The following SLC37A1 variants were observed in gnomAD, a reference collection of about 807,000 sequenced individuals.
SLC37A1 encodes glucose-6-phosphate exchanger SLC37A1.
A neutral mutation model predicts 75.3 loss-of-function variants in SLC37A1; 49 were observed. That is an observed-to-expected ratio of 0.65 (90% CI 0.52 to 0.83). SLC37A1 has a LOEUF of 0.83. Among genes scored for constraint, SLC37A1 ranks in the 40% least tolerant of loss-of-function variants. The pLI, the probability that SLC37A1 is intolerant of heterozygous loss-of-function variation, is 0.00. For synonymous variants in SLC37A1, 268 were observed against 292.1 expected, an observed-to-expected ratio of 0.92 and a Z score of 0.84; for missense variants, 566 against 695.0, an observed-to-expected ratio of 0.81 and a Z score of 2.09.
intron 9 of SLC37A1, among the ~76,000 whole-genome samples, chr21:42,551,582 GGTACA>G (rs1330173636): frequency 4.6e-5 from 7 of 152,260 alleles, no homozygotes; most frequent in African/African-American, 1.7e-4. Flanking sequence ...ATGAGTGAAT[GGTACA>G]GTATGTGAAT....
Position 42,548,307 on chromosome 21 carries a change from G to A in SLC37A1, c.768+1167G>A, listed in dbSNP as rs899203650. ...TCTCACCACCACTCAACCTTCCCAC[G>A]GAGATGTCTGAGTGTCCTTCAGACT... On this transcript the variant is annotated intron_variant, in intron 9 of 19. Coordinates refer to ENST00000352133, the MANE Select transcript of SLC37A1 (RefSeq NM_001320537.2). The surrounding 1 kb of genome is among the most constrained non-coding windows in gnomAD (Gnocchi z 5.6). 6.6e-5 allele frequency among the ~76,000 whole-genome samples: 10 copies of A among 152,062 alleles called. No individual in the cohort carries two copies. The highest frequency in any genetic ancestry group is 2.1e-4 in the South Asian group (1 of 4,814).
chr21:42,527,650 G>A (rs995483498), intron 3 of SLC37A1, among the ~76,000 whole-genome samples: 1 of 152,144 alleles, frequency 6.6e-6, no homozygotes, highest in African/African-American at 2.4e-5. Context: ...CCACACACTC[G>A]AGAATTCCCT....
At chr21:42,556,462 G>A (rs936680749) in intron 10 of SLC37A1, among the ~76,000 whole-genome samples, 9 of 152,236 alleles carry the variant, frequency 5.9e-5, no homozygotes, top group African/African-American at 1.9e-4. Flanking sequence ...ATCGGGTAGC[G>A]GGGTGAGCTT....
intron 17 of SLC37A1, among the ~76,000 whole-genome samples, chr21:42,571,884 C>A (rs972164371): frequency 6.6e-6 from 1 of 152,216 alleles, no homozygotes; most frequent in Non-Finnish European, 1.5e-5. Flanking sequence ...TGCCCCACCC[C>A]TTTCACGCCA....
chr21:42,514,797 C>G lies in SLC37A1; in HGVS notation c.-179+80C>G, dbSNP rs993651514. 3 of 152,572 alleles carry G rather than the reference C, an allele frequency of 2.0e-5. No individual in the cohort carries two copies. The highest frequency in any genetic ancestry group is 4.4e-5 in the Non-Finnish European group (3 of 68,336). The allele number at this position is 152,572 out of a possible 1,614,324, so 9.5% of individuals were successfully genotyped here. A position where few individuals can be genotyped will look rare whatever the true frequency, so the allele number is the denominator to read the frequency against. ...ACCACCCCCACTCCCCGCTAACACCCCAGCCCGCGGCCCCAGGTTTGAATT... is the reference window on the plus strand; with the variant it reads ...ACCACCCCCACTCCCCGCTAACACCGCAGCCCGCGGCCCCAGGTTTGAATT... On this transcript the variant is annotated intron_variant, in intron 1 of 19. Coordinates refer to ENST00000352133, the MANE Select transcript of SLC37A1 (RefSeq NM_001320537.2). This position sits in a 1 kb window ranked among gnomAD's most constrained non-coding sequence, Gnocchi z 4.8.
chr21:42,533,340 G>A (rs1277734389), intron 3 of SLC37A1, among the ~76,000 whole-genome samples: 3 of 152,122 alleles, frequency 2.0e-5, no homozygotes, highest in African/African-American at 7.2e-5. Flanking sequence ...CGCTTGATGG[G>A]GCAACTCCTT....
At chr21:42,531,078 C>G (rs554198773) in intron 3 of SLC37A1, among the ~76,000 whole-genome samples, 1 of 152,180 alleles carries the variant, frequency 6.6e-6, no homozygotes, top group African/African-American at 2.4e-5. Flanking sequence ...TGCTGCTCCC[C>G]GGACGGGATT....
At position 42,514,016 on chromosome 21, in the gene SLC37A1, C is replaced by G. The variant is rs2054473747; in HGVS notation, c.-880C>G. The stretch of plus-strand genomic sequence containing the variant: ...GGCAGCCGGCGCTCAGGCGCCGCAG[C>G]CGCTCAGCACCTGCGGCGCCCTCAG... On this transcript the variant is annotated 5_prime_UTR_variant, in exon 1 of 20. Coordinates refer to ENST00000352133, the MANE Select transcript of SLC37A1 (RefSeq NM_001320537.2). The surrounding 1 kb of genome is among the most constrained non-coding windows in gnomAD (Gnocchi z 4.8). 1 of 148,468 alleles carries G rather than the reference C, an allele frequency of 6.7e-6. No individual in the cohort carries two copies. Among genetic ancestry groups the G allele is most frequent in the African/African-American group, 2.5e-5 (1 of 40,784 alleles). The allele number at this position is 148,468 out of a possible 1,614,324, so 9.2% of individuals were successfully genotyped here.
rs1392223053 is a variant in SLC37A1 at position 42,552,189 on chromosome 21, C to A, written c.769-1873C>A. ...TTGTTCTTTTGATTTGTATTTGATT[C>A]CTAGGTTACTTAGGTTTAGGATATC... On this transcript the variant is annotated intron_variant, in intron 9 of 19. Coordinates refer to ENST00000352133, the MANE Select transcript of SLC37A1 (RefSeq NM_001320537.2). This position sits in a 1 kb window ranked among gnomAD's most constrained non-coding sequence, Gnocchi z 4.2. 6.6e-6 allele frequency among the ~76,000 whole-genome samples: 1 copy of A among 152,104 alleles called. No homozygotes were observed. Among genetic ancestry groups the A allele is most frequent in the African/African-American group, 2.4e-5 (1 of 41,420 alleles).
chr21:42,534,610 G>T, intron 3 of SLC37A1, 88 bp from the exon 4 acceptor site: 1 of 1,485,728 alleles, frequency 6.7e-7, no homozygotes, highest in Non-Finnish European at 9.1e-7. Flanking sequence ...GCTGGGAGAG[G>T]AGGGGTGACT....
intron 8 of SLC37A1, among the ~76,000 whole-genome samples, chr21:42,544,609 C>T (rs2055361330): frequency 1.3e-5 from 2 of 152,202 alleles, no homozygotes; most frequent in South Asian, 2.1e-4. Flanking sequence ...CACTCCGCTC[C>T]CCTTTCCCCG....
intron 16 of SLC37A1, among the ~76,000 whole-genome samples, chr21:42,567,487 C>T (rs2056010536): frequency 6.6e-6 from 1 of 152,174 alleles, no homozygotes; most frequent in Non-Finnish European, 1.5e-5. Context: ...TGTGCGTGAG[C>T]ATGCAGACTT....
intron 9 of SLC37A1, among the ~76,000 whole-genome samples, chr21:42,551,972 T>C (rs911379949): frequency 6.6e-6 from 1 of 152,220 alleles, no homozygotes; most frequent in Non-Finnish European, 1.5e-5. Context: ...CTCTATCCCC[T>C]GTATCTCCTG....
intron 2 of SLC37A1, among the ~76,000 whole-genome samples, chr21:42,520,651 G>A (rs910155486): frequency 1.3e-5 from 2 of 152,114 alleles, no homozygotes; most frequent in Non-Finnish European, 1.5e-5. Flanking sequence ...GTGTGCGTGT[G>A]TGTGGGTGTG....
At chr21:42,506,224 C>T (rs953169077) in intron 2 of SLC37A1, among the ~76,000 whole-genome samples, 8 of 152,148 alleles carry the variant, frequency 5.3e-5, no homozygotes, top group African/African-American at 1.7e-4. Context: ...ACTTTGTAGG[C>T]ATATTTGATT....
chr21:42,530,654 A>ACCCCC lies in SLC37A1; in HGVS notation c.139-4043_139-4039dup, dbSNP rs1555882111. 3.5e-3 allele frequency among the ~76,000 whole-genome samples: 126 copies of ACCCCC among 35,890 alleles called. 6 individuals carry two copies. Among genetic ancestry groups the ACCCCC allele is most frequent in the Non-Finnish European group, 5.2e-3 (99 of 19,104 alleles). 23.5% of individuals were successfully genotyped at this position (35,890 alleles called of 152,430 possible). On this transcript the variant is annotated intron_variant, in intron 3 of 19. Transcript: ENST00000352133. Reference sequence around the variant, plus strand: ...CACACACACACACACACACACACACACCCCCTCTGTGTTGGCTGAAGGTGG... The same window carrying ACCCCC: ...CACACACACACACACACACACACACACCCCCCCCCCTCTGTGTTGGCTGAAGGTGG...
intron 5 of SLC37A1, among the ~76,000 whole-genome samples, chr21:42,537,968 G>C (rs1382343480): frequency 6.6e-6 from 1 of 152,224 alleles, no homozygotes; most frequent in Admixed American, 6.5e-5. Flanking sequence ...CTGCCTGGTG[G>C]GTTCAAGCAG....
chr21:42,557,334 G>T (rs959415893), intron 10 of SLC37A1, among the ~76,000 whole-genome samples: 1 of 152,284 alleles, frequency 6.6e-6, no homozygotes, highest in Non-Finnish European at 1.5e-5. Context: ...AAAGCCCCCC[G>T]AGGAGATTCC....
intron 11 of SLC37A1, among the ~76,000 whole-genome samples, chr21:42,561,182 C>T (rs930767488): frequency 6.6e-6 from 1 of 152,198 alleles, no homozygotes; most frequent in Non-Finnish European, 1.5e-5. Context: ...TGGGTTCCCC[C>T]GGCCCCCATT....
Sources: allele counts gnomAD v4.1 joint callset (sites outside exome capture counted in the v4.1 genomes callset), GRCh38; gene constraint gnomAD v4.1.1; non-coding constraint Gnocchi (gnomAD v3.1); transcripts MANE v1.5; gene names NCBI Gene and HGNC (gene_info 2026-07-23, HGNC 2026-07-21).